The following SLC24A2 variants were observed in gnomAD, a reference collection of about 807,000 sequenced individuals.
SLC24A2 encodes the protein sodium/potassium/calcium exchanger 2.
SLC24A2 carries 36 observed loss-of-function variants against 62.0 expected under a neutral mutation model. The ratio of observed to expected loss-of-function variants is 0.58; its 90% confidence interval spans 0.44 to 0.77. The LOEUF is 0.77. Ranked by LOEUF, SLC24A2 falls within the 30% of genes least tolerant of loss-of-function variation. SLC24A2 has a pLI of 0.00. For missense variants in SLC24A2, 846 were observed against 817.9 expected, an observed-to-expected ratio of 1.03 and a Z score of -0.42; for synonymous variants, 358 against 294.0, an observed-to-expected ratio of 1.22 and a Z score of -2.23.
chr9:20,106,745 C>G, the SLC24A2 span, among the ~76,000 whole-genome samples: 3 of 152,128 alleles, frequency 2.0e-5, no homozygotes, highest in African/African-American at 7.2e-5. Context: ...CAATACCATA[C>G]TGAATGGACA....
intron 2 of SLC24A2, among the ~76,000 whole-genome samples, chr9:19,645,537 CAT>C (rs1818616809): frequency 1.3e-5 from 2 of 151,936 alleles, no homozygotes; most frequent in African/African-American, 4.8e-5. Flanking sequence ...GTTTTAAAAA[CAT>C]AGTGGCAATG....
chr9:20,077,658 T>G, the SLC24A2 span, among the ~76,000 whole-genome samples: 2 of 152,110 alleles, frequency 1.3e-5, no homozygotes, highest in Non-Finnish European at 2.9e-5. Flanking sequence ...TTGACCAGAA[T>G]TAATACCAAG....
At chr9:19,992,919 T>C in the SLC24A2 span, among the ~76,000 whole-genome samples, 2 of 152,202 alleles carry the variant, frequency 1.3e-5, no homozygotes, top group Non-Finnish European at 2.9e-5. Flanking sequence ...AGATTAACTC[T>C]TGCTATCAAA....
chr9:19,561,702 T>C (rs7036953), intron 7 of SLC24A2, among the ~76,000 whole-genome samples: 17,982 of 152,150 alleles, frequency 0.12, 1,144 homozygotes, highest in African/African-American at 0.17. Context: ...AGTGCTGGGA[T>C]TACAGGCGTG....
chr9:19,907,490 G>C, the SLC24A2 span, among the ~76,000 whole-genome samples: 2 of 152,172 alleles, frequency 1.3e-5, no homozygotes, highest in Non-Finnish European at 2.9e-5. Flanking sequence ...AATCAGGCAG[G>C]AGAAGGAAAT....
chr9:19,667,800 C>T (rs1293418755), intron 2 of SLC24A2, among the ~76,000 whole-genome samples: 1 of 152,154 alleles, frequency 6.6e-6, no homozygotes, highest in Non-Finnish European at 1.5e-5. Flanking sequence ...CTGTCTGCAG[C>T]CTATCAACAA....
At chr9:19,952,699 G>C in the SLC24A2 span, among the ~76,000 whole-genome samples, 2 of 144,376 alleles carry the variant, frequency 1.4e-5, no homozygotes, top group Admixed American at 7.1e-5. Context: ...AGGTGCAATC[G>C]TCTGTAGTTT....
At chr9:19,684,757 TC>T (rs2118418530) in intron 2 of SLC24A2, among the ~76,000 whole-genome samples, 1 of 152,052 alleles carries the variant, frequency 6.6e-6, no homozygotes, top group South Asian at 2.1e-4. Flanking sequence ...CATATCTGGT[TC>T]TTGGTTGGGT....
At chr9:19,969,675 G>T in the SLC24A2 span, among the ~76,000 whole-genome samples, 1 of 152,164 alleles carries the variant, frequency 6.6e-6, no homozygotes, top group South Asian at 2.1e-4. Context: ...GAAGCAAGGC[G>T]GTAGAAAGTT....
rs549938721 is a variant in SLC24A2, at chr9:19,523,408, C to A, written c.1570-2348G>T. On this transcript the variant is annotated intron_variant, in intron 9 of 10. Coordinates refer to ENST00000341998, the MANE Select transcript of SLC24A2 (RefSeq NM_020344.4). ...GACTATATGTGAGATGCAAATCATA[C>A]AGCACAGTGTCAGGTATAAAGCAAA... 9.4e-4 allele frequency among the ~76,000 whole-genome samples: 143 copies of A among 152,242 alleles called. 2 individuals are homozygous for A. In the South Asian group the frequency reaches 0.028, roughly 29 times the overall value.
chr9:19,848,804 A>G, the SLC24A2 span, among the ~76,000 whole-genome samples: 1 of 152,244 alleles, frequency 6.6e-6, no homozygotes, highest in East Asian at 1.9e-4. Context: ...CAATGGAATT[A>G]TATCCACTCA....
chr9:20,162,019 A>C, the SLC24A2 span, among the ~76,000 whole-genome samples: 1 of 151,756 alleles, frequency 6.6e-6, no homozygotes, highest in African/African-American at 2.4e-5. Context: ...AACAGTATAA[A>C]TGGTAAACTC....
intron 2 of SLC24A2, among the ~76,000 whole-genome samples, chr9:19,703,223 C>G (rs1820409099): frequency 6.6e-6 from 1 of 152,140 alleles, no homozygotes; most frequent in East Asian, 1.9e-4. Flanking sequence ...TCTTAGTAAG[C>G]AGTGCAGATA....
the SLC24A2 span, among the ~76,000 whole-genome samples, chr9:20,284,842 G>A: frequency 6.6e-6 from 1 of 152,116 alleles, no homozygotes; most frequent in African/African-American, 2.4e-5. Context: ...CAAAAGGATT[G>A]TTTTCCTGAG....
chr9:19,975,658 G>A, the SLC24A2 span, among the ~76,000 whole-genome samples: 1 of 152,122 alleles, frequency 6.6e-6, no homozygotes, highest in Non-Finnish European at 1.5e-5. Context: ...TTATTATTAT[G>A]ACACATATCC....
the SLC24A2 span, among the ~76,000 whole-genome samples, chr9:19,839,443 C>G: frequency 1.4e-4 from 21 of 152,106 alleles, no homozygotes; most frequent in Non-Finnish European, 2.6e-4. Context: ...CCAGGGAATG[C>G]TGTTAGGTAC....
At chr9:20,119,229 C>A in the SLC24A2 span, among the ~76,000 whole-genome samples, 10 of 152,240 alleles carry the variant, frequency 6.6e-5, no homozygotes, top group Middle Eastern at 3.4e-3. Context: ...AACACCTGGA[C>A]TGTAGCCTTG....
chr9:19,931,912 TA>T, the SLC24A2 span, among the ~76,000 whole-genome samples: 1 of 152,084 alleles, frequency 6.6e-6, no homozygotes, highest in Non-Finnish European at 1.5e-5. Flanking sequence ...GTTTTTAATT[TA>T]ATTTTATTTA....
At chr9:20,247,680 G>A in the SLC24A2 span, among the ~76,000 whole-genome samples, 2 of 152,202 alleles carry the variant, frequency 1.3e-5, no homozygotes, top group Non-Finnish European at 2.9e-5. Context: ...CTATAGTATG[G>A]TGTTATGACA....
Sources: allele counts gnomAD v4.1 joint callset (sites outside exome capture counted in the v4.1 genomes callset), GRCh38; gene constraint gnomAD v4.1.1; transcripts MANE v1.5; gene names NCBI Gene and HGNC (gene_info 2026-07-23, HGNC 2026-07-21).